Variants in ARHGAP42 observed in about 807,000 individuals in gnomAD.
ARHGAP42 encodes the protein rho GTPase-activating protein 42.
A neutral mutation model predicts 125.0 loss-of-function variants in ARHGAP42; 63 were observed. The ratio of observed to expected loss-of-function variants is 0.50; its 90% CI spans 0.41 to 0.62. The LOEUF is 0.62. Among genes scored for constraint, ARHGAP42 ranks in the 20% least tolerant of loss-of-function variants. The pLI is 0.00. For missense variants in ARHGAP42, 766 were observed against 1,024.2 expected, an observed-to-expected ratio of 0.75 and a Z score of 3.44; for synonymous variants, 339 against 351.0, an observed-to-expected ratio of 0.97 and a Z score of 0.38.
chr11:100,800,561 A>C (rs139369454), intron 3 of ARHGAP42, among the ~76,000 whole-genome samples: 1 of 152,156 alleles, frequency 6.6e-6, no homozygotes, highest in Non-Finnish European at 1.5e-5. Flanking sequence ...AAATGGCTCA[A>C]GAATGTGTTA....
At chr11:100,732,119 G>C (rs531897970) in intron 1 of ARHGAP42, among the ~76,000 whole-genome samples, 16 of 151,690 alleles carry the variant, frequency 1.1e-4, no homozygotes, top group Admixed American at 2.6e-4. Context: ...CCACATGCCC[G>C]GCTAATTTTG....
intron 7 of ARHGAP42, among the ~76,000 whole-genome samples, chr11:100,935,656 TCACACA>T (rs370952044): frequency 7.1e-6 from 1 of 140,564 alleles, no homozygotes. Flanking sequence ...AGGAAGAAGG[TCACACA>T]CACACACACA....
chr11:100,942,642 GTGCC>G (rs1387458209), intron 9 of ARHGAP42, among the ~76,000 whole-genome samples: 1 of 152,130 alleles, frequency 6.6e-6, no homozygotes, highest in East Asian at 1.9e-4. Context: ...TATAAAGTAA[GTGCC>G]TCGCCCAATT....
rs112316473 is a variant in ARHGAP42 at position 100,726,513 on chromosome 11, G to A, written c.154+38681G>A. On this transcript the variant is annotated intron_variant, in intron 1 of 23. Transcript: ENST00000298815. ...GGTATATTCCTGGGTACATTTTTAT[G>A]TGTAAGCAAATAAATGCAATGACAG... Among the ~76,000 whole-genome samples, 878 of 152,272 alleles carry A rather than the reference G, an allele frequency of 5.8e-3. 6 individuals carry two copies. Among genetic ancestry groups the A allele is most frequent in the Middle Eastern group, 0.02 (6 of 294 alleles).
intron 1 of ARHGAP42, among the ~76,000 whole-genome samples, chr11:100,760,815 G>A (rs192978975): frequency 3.3e-5 from 5 of 152,298 alleles, no homozygotes; most frequent in Admixed American, 1.3e-4. Context: ...AGGATGATAT[G>A]TGACATGAAA....
At chr11:100,766,393 C>T (rs983076984) in intron 1 of ARHGAP42, among the ~76,000 whole-genome samples, 3 of 152,110 alleles carry the variant, frequency 2.0e-5, no homozygotes, top group Non-Finnish European at 4.4e-5. Flanking sequence ...AAAAAGTTGA[C>T]TCTTTAGTAT....
intron 6 of ARHGAP42, among the ~76,000 whole-genome samples, 168 bp from the exon 7 acceptor site, chr11:100,932,988 T>A (rs1867627538): frequency 6.6e-6 from 1 of 152,196 alleles, no homozygotes; most frequent in Non-Finnish European, 1.5e-5. Flanking sequence ...AAAAATCCTT[T>A]TGTGGTTTCT....
intron 3 of ARHGAP42, among the ~76,000 whole-genome samples, chr11:100,827,628 A>C (rs1864554493): frequency 6.6e-6 from 1 of 152,182 alleles, no homozygotes; most frequent in South Asian, 2.1e-4. Context: ...TGGGGTATAG[A>C]AGCTGAGGGG....
At chr11:100,726,461 T>C (rs947509892) in intron 1 of ARHGAP42, among the ~76,000 whole-genome samples, 1 of 152,226 alleles carries the variant, frequency 6.6e-6, no homozygotes, top group Non-Finnish European at 1.5e-5. Context: ...AATTCAGCTA[T>C]GTGGCATATA....
At position 100,976,243 on chromosome 11, in the gene ARHGAP42, C is replaced by A; in HGVS notation, c.2042C>A (p.Thr681Lys). ...SNGQKSLGLW[T>K]TSPESSSRED... Reference sequence around the variant, plus strand: ...GGACAGAAAAGCCTTGGTCTGTGGACAACTAGTCCTGAATCAAGTTCCAGA... The same window carrying A: ...GGACAGAAAAGCCTTGGTCTGTGGAAAACTAGTCCTGAATCAAGTTCCAGA... Residue 681 changes from threonine to lysine, a missense_variant, in exon 20 of 24, where the codon ACA (threonine) becomes AAA (lysine). By Grantham distance (78) the Thr-to-Lys change is moderately conservative (BLOSUM62 -1). Transcript: ENST00000298815. 3 of 1,551,606 alleles carry A rather than the reference C, an allele frequency of 1.9e-6. No homozygotes were observed. The South Asian group carries it at 3.6e-5, about 18-fold the overall frequency.
chr11:100,796,656 A>C (rs1268147250), intron 3 of ARHGAP42, among the ~76,000 whole-genome samples: 24 of 152,136 alleles, frequency 1.6e-4, no homozygotes, highest in Admixed American at 1.6e-3. Flanking sequence ...AGAAAACAAA[A>C]CAGCACTATT....
chr11:100,962,325 C>A, intron 15 of ARHGAP42, 84 bp from the exon 16 acceptor site: 1 of 1,054,084 alleles, frequency 9.5e-7, no homozygotes, highest in Non-Finnish European at 1.4e-6. Context: ...ATAACAGTCA[C>A]CTAATTCTTA....
At chr11:100,689,515 T>C (rs2120161777) in intron 1 of ARHGAP42, among the ~76,000 whole-genome samples, 1 of 152,346 alleles carries the variant, frequency 6.6e-6, no homozygotes, top group South Asian at 2.1e-4. Context: ...ATGTACATTA[T>C]ATTACGAGTG....
intron 10 of ARHGAP42, among the ~76,000 whole-genome samples, chr11:100,947,365 C>T (rs1056291207): frequency 6.6e-6 from 1 of 151,786 alleles, no homozygotes. Flanking sequence ...TCTGGATTTT[C>T]TATGTAGACA....
At chr11:100,706,110 G>A (rs2120221435) in intron 1 of ARHGAP42, among the ~76,000 whole-genome samples, 1 of 151,764 alleles carries the variant, frequency 6.6e-6, no homozygotes, top group East Asian at 1.9e-4. Flanking sequence ...CTCCCACGTA[G>A]CTGGGACTAC....
chr11:100,720,149 G>A (rs1360880566), intron 1 of ARHGAP42, among the ~76,000 whole-genome samples: 3 of 152,184 alleles, frequency 2.0e-5, no homozygotes, highest in Admixed American at 6.5e-5. Context: ...AAGGCACACC[G>A]TGGTGGTTAT....
intron 23 of ARHGAP42, 119 bp downstream of exon 23, chr11:100,987,711 T>C (rs1190551965): frequency 2.2e-6 from 2 of 911,286 alleles, no homozygotes; most frequent in Admixed American, 4.3e-5. Flanking sequence ...ATGTCCTGCC[T>C]CTCATAACGG....
chr11:100,869,158 G>A (rs1565250594), intron 4 of ARHGAP42, among the ~76,000 whole-genome samples: 1 of 151,838 alleles, frequency 6.6e-6, no homozygotes, highest in Non-Finnish European at 1.5e-5. Flanking sequence ...TAGCAAGAAG[G>A]CATCTAGATG....
intron 12 of ARHGAP42, among the ~76,000 whole-genome samples, chr11:100,952,064 T>C (rs1052131687): frequency 4.6e-5 from 7 of 152,230 alleles, no homozygotes; most frequent in African/African-American, 1.7e-4. Context: ...CTTAAAGTTA[T>C]GAATCTTAAG....
Sources: allele counts gnomAD v4.1 joint callset (sites outside exome capture counted in the v4.1 genomes callset), GRCh38; gene constraint gnomAD v4.1.1; transcripts MANE v1.5; gene names NCBI Gene and HGNC (gene_info 2026-07-23, HGNC 2026-07-21).